The following MAPK7 variants were observed in gnomAD, a reference collection of about 807,000 sequenced individuals.
The protein encoded by MAPK7 is BMK-1.
A neutral mutation model predicts 56.9 loss-of-function variants in MAPK7; 30 were observed. That is an observed-to-expected ratio of 0.53 (90% CI 0.39 to 0.72). MAPK7 has a LOEUF of 0.72. Ranked by LOEUF, MAPK7 falls within the 30% of genes least tolerant of loss-of-function variation. The pLI, the probability that MAPK7 is intolerant of heterozygous loss-of-function variation, is 0.00. For synonymous variants in MAPK7, 516 were observed against 449.3 expected (o/e 1.15, Z -1.88); for missense variants, 952 against 1,110.8 (o/e 0.86, Z 2.03).
Position 19,383,147 on chromosome 17 carries a change from T to G in MAPK7, c.2367T>G (p.Pro789=). The change falls in exon 7 of 7, where the codon CCT becomes CCG. Residue 789 remains proline (P), a synonymous_variant. Transcript: ENST00000395604. The stretch of plus-strand genomic sequence containing the variant: ...GGCTCGAAGGCCATGGCATGAACCC[T>G]GCCGATATTGAGTCCCTGCAGCGTG... ...ADWLEGHGMN[P]ADIESLQREI... The G allele has an allele frequency of 6.2e-7, 1 of 1,614,146 alleles. No homozygotes were observed. Among genetic ancestry groups the G allele is most frequent in the East Asian group, 2.2e-5 (1 of 44,882 alleles).
In MAPK7 at chr17:19,379,949, T is replaced by C; in HGVS notation, c.398+2T>C. 1 of 1,612,464 alleles carries C rather than the reference T, an allele frequency of 6.2e-7. No individual in the cohort carries two copies. The highest frequency in any genetic ancestry group is 8.5e-7 in the Non-Finnish European group (1 of 1,178,812). On this transcript the variant is annotated splice_donor_variant, in intron 3 of 6. Coordinates refer to ENST00000395604, the MANE Select transcript of MAPK7 (RefSeq NM_002749.4). LOFTEE classifies it high-confidence loss of function. ...GCCCTATGGCGAATTCAAATCTGTG[T>C]AAGAAGCGGGATGGGAGAGGGAGCC...
chr17:19,380,851 T>C lies in MAPK7; in HGVS notation c.642T>C (p.His214=), dbSNP rs148616910. 80 of 1,613,870 alleles carry C rather than the reference T, an allele frequency of 5.0e-5. No homozygotes were observed. The highest frequency in any genetic ancestry group is 1.0e-4 in the Admixed American group (6 of 59,972). The change falls in exon 4 of 7, where the codon CAT becomes CAC. Residue 214 remains histidine, a synonymous_variant. Coordinates refer to ENST00000395604, the MANE Select transcript of MAPK7 (RefSeq NM_002749.4). The stretch of plus-strand genomic sequence containing the variant: ...GCCTGTGCACCTCGCCCGCTGAACA[T>C]CAGTACTTCATGACTGAGTATGTGG... The part of the protein sequence containing the change: ...ARGLCTSPAE[H]QYFMTEYVAT...
Position 19,378,694 on chromosome 17 carries a change from G to GCCTACCCCTCC in MAPK7, c.-6+67_-6+77dup, listed in dbSNP as rs1336680893. The GCCTACCCCTCC allele has an allele frequency of 7.2e-7, 1 of 1,387,776 alleles. No individual in the cohort carries two copies. The highest frequency in any genetic ancestry group is 9.3e-7 in the Non-Finnish European group (1 of 1,071,058). 86.0% of individuals were successfully genotyped at this position (1,387,776 alleles called of 1,614,324 possible). A position where few individuals can be genotyped will look rare whatever the true frequency, so the allele number is the denominator to read the frequency against. ...TCCCTTTCTTCCTGGCCCGCGCCTC[G>GCCTACCCCTCC]CCTACCCCTCCCCCGACCCTGGCGG... On this transcript the variant is annotated intron_variant, in intron 1 of 6. Coordinates refer to ENST00000395604, the MANE Select transcript of MAPK7 (RefSeq NM_002749.4). This position sits in a 1 kb window ranked among gnomAD's most constrained non-coding sequence, Gnocchi z 5.4.
In MAPK7 at chr17:19,378,930, C is replaced by G; in HGVS notation, c.30C>G (p.Gly10=). 6.3e-7 allele frequency: 1 copy of G among 1,584,628 alleles called. No homozygotes were observed. Among genetic ancestry groups the G allele is most frequent in the Non-Finnish European group, 8.6e-7 (1 of 1,164,878 alleles). Residue 10 remains glycine (G), a synonymous_variant, in exon 2 of 7, where the codon GGC becomes GGG. Transcript: ENST00000395604. This position sits in a 1 kb window ranked among gnomAD's most constrained non-coding sequence, Gnocchi z 5.4. Reference sequence around the variant, plus strand: ...CCGAGCCTCTGAAGGAGGAAGACGGCGAGGACGGCTCTGCGGAGCCCCCCG... The same window carrying G: ...CCGAGCCTCTGAAGGAGGAAGACGGGGAGGACGGCTCTGCGGAGCCCCCCG... MAEPLKEED[G]EDGSAEPPGP... is the part of the protein sequence containing the mutation.
In MAPK7 at chr17:19,379,959, G is replaced by C; in HGVS notation, c.398+12G>C. 6.2e-7 allele frequency: 1 copy of C among 1,609,686 alleles called. No individual in the cohort carries two copies. Among genetic ancestry groups the C allele is most frequent in the Non-Finnish European group, 8.5e-7 (1 of 1,176,718 alleles). On this transcript the variant is annotated intron_variant, in intron 3 of 6. Transcript: ENST00000395604. ...GAATTCAAATCTGTGTAAGAAGCGG[G>C]ATGGGAGAGGGAGCCAGACTTGGGA...
Position 19,381,099 on chromosome 17 carries a change from A to G in MAPK7, c.890A>G (p.Tyr297Cys). 2 of 1,614,002 alleles carry G rather than the reference A, an allele frequency of 1.2e-6. No homozygotes were observed. Among genetic ancestry groups the G allele is most frequent in the South Asian group, 2.2e-5 (2 of 91,080 alleles). The change falls in exon 4 of 7, where the codon TAT (tyrosine) becomes TGT (cysteine). Residue 297 changes from tyrosine to cysteine, a missense_variant. Tyr to Cys is a radical substitution (Grantham distance 194, BLOSUM62 -2). This residue lies in a region of MAPK7 where 429 missense variants were observed against 533.0 expected (regional missense o/e 0.80). Transcript: ENST00000395604. This position sits in a 1 kb window ranked among gnomAD's most constrained non-coding sequence, Gnocchi z 4.6. Reference sequence around the variant, plus strand: ...GTGGGGGCTGAGAGGGTGCGGGCCTATATCCAGAGCTTGCCACCACGCCAG... The same window carrying G: ...GTGGGGGCTGAGAGGGTGCGGGCCTGTATCCAGAGCTTGCCACCACGCCAG... Reference protein sequence around the residue: ...QAVGAERVRAYIQSLPPRQPV... With the variant: ...QAVGAERVRACIQSLPPRQPV...
intron 3 of MAPK7, chr17:19,380,316 T>C (rs1912542483): frequency 1.8e-6 from 1 of 565,862 alleles, no homozygotes; most frequent in Non-Finnish European, 2.8e-6. Context: ...TACCAAACAA[T>C]GGAGATAGCC....
rs1209430056 is a variant in MAPK7, at chr17:19,381,852, C to T, written c.1549C>T (p.Arg517Trp). The part of the protein sequence containing the change: ...PVTAQERQRE[R>W]EEKRRRRQER... ...GACAGCCCAGGAGCGCCAGCGGGAG[C>T]GGGAGGAGAAGCGGCGGAGGCGGCA... The change falls in exon 5 of 7, where the codon CGG becomes TGG. Residue 517 changes from arginine (R) to tryptophan (W), a missense_variant. This residue lies in a region of MAPK7 where 429 missense variants were observed against 533.0 expected (regional missense o/e 0.80). Transcript: ENST00000395604. The surrounding 1 kb of genome is among the most constrained non-coding windows in gnomAD (Gnocchi z 4.6). 1.3e-6 allele frequency: 2 copies of T among 1,587,838 alleles called. No individual in the cohort carries two copies. Among genetic ancestry groups the T allele is most frequent in the South Asian group, 1.1e-5 (1 of 87,468 alleles).
At chr17:19,380,315 A>G (rs1175790181) in intron 3 of MAPK7, 4 of 563,498 alleles carry the variant, frequency 7.1e-6, no homozygotes, top group Non-Finnish European at 1.1e-5. Flanking sequence ...CTACCAAACA[A>G]TGGAGATAGC....
At chr17:19,379,533 C>T in intron 2 of MAPK7, 1 of 570,322 alleles carries the variant, frequency 1.8e-6, no homozygotes, top group Non-Finnish European at 3.1e-6. Flanking sequence ...CAACCTCCAA[C>T]AAGTTACTAA....
rs147694046 is a variant in MAPK7, at chr17:19,378,990, C to T, written c.90C>T (p.Ala30=). ...AGGCCGAACCCGCCCACACCGCTGC[C>T]TCTGTAGCGGCCAAGAACCTGGCCC... ...PVKAEPAHTA[A]SVAAKNLALL... The change falls in exon 2 of 7, where the codon GCC becomes GCT. Residue 30 remains alanine, a synonymous_variant. Coordinates refer to ENST00000395604, the MANE Select transcript of MAPK7 (RefSeq NM_002749.4). This position sits in a 1 kb window ranked among gnomAD's most constrained non-coding sequence, Gnocchi z 5.4. 81 of 1,611,902 alleles carry T rather than the reference C, an allele frequency of 5.0e-5. No homozygotes were observed. Among genetic ancestry groups the T allele is most frequent in the Non-Finnish European group, 6.6e-5 (78 of 1,179,198 alleles).
At chr17:19,382,701 C>T in intron 5 of MAPK7, 112 bp from the exon 6 acceptor site, 2 of 1,473,706 alleles carry the variant, frequency 1.4e-6, no homozygotes, top group Non-Finnish European at 1.8e-6. Flanking sequence ...TCACTGACTG[C>T]CGAGACTGGT....
upstream of MAPK7, chr17:19,378,215 A>AG (rs1912264169): frequency 1.0e-6 from 1 of 985,662 alleles, no homozygotes; most frequent in African/African-American, 1.7e-5. The surrounding 1 kb of genome is among the most constrained non-coding windows in gnomAD (Gnocchi z 5.4). Context: ...CGCTACGTGC[A>AG]GGGGCGTTGC....
rs747827826 is a variant in MAPK7 at position 19,378,972 on chromosome 17, A to T, written c.72A>T (p.Glu24Asp). The T allele has an allele frequency of 6.2e-7, 1 of 1,606,826 alleles. No homozygotes were observed. The highest frequency in any genetic ancestry group is 8.5e-7 in the Non-Finnish European group (1 of 1,177,004). ...SAEPPGPVKA[E>D]PAHTAASVAA... Reference sequence around the variant, plus strand: ...AGCCCCCCGGGCCCGTGAAGGCCGAACCCGCCCACACCGCTGCCTCTGTAG... The same window carrying T: ...AGCCCCCCGGGCCCGTGAAGGCCGATCCCGCCCACACCGCTGCCTCTGTAG... The change falls in exon 2 of 7, where the codon GAA (glutamate) becomes GAT (aspartate). Residue 24 changes from glutamate to aspartate, a missense_variant. Physicochemically the swap from Glu to Asp is conservative, Grantham distance 45. Transcript: ENST00000395604. The surrounding 1 kb of genome is among the most constrained non-coding windows in gnomAD (Gnocchi z 5.4).
In MAPK7 at chr17:19,383,472, T is replaced by G; in HGVS notation, c.*241T>G. ...TTCAGTATTATATTTTTATTATTAT[T>G]ATGTTATTATTACACTGTCTTTTTG... On this transcript the variant is annotated 3_prime_UTR_variant, in exon 7 of 7. Transcript: ENST00000395604. 2.8e-6 allele frequency: 1 copy of G among 353,586 alleles called. No homozygotes were observed. Among genetic ancestry groups the G allele is most frequent in the South Asian group, 9.1e-5 (1 of 10,968 alleles). The allele number at this position is 353,586 out of a possible 1,614,324, so 21.9% of individuals were successfully genotyped here.
rs544719004 is a variant in MAPK7, at chr17:19,379,536, G to A, written c.233-246G>A. The A allele has an allele frequency of 6.3e-5, 36 of 571,630 alleles. No homozygotes were observed. In the African/African-American group the frequency reaches 6.5e-4, roughly 10 times the overall value. The allele number at this position is 571,630 out of a possible 1,614,324, so 35.4% of individuals were successfully genotyped here. A position where few individuals can be genotyped will look rare whatever the true frequency, so the allele number is the denominator to read the frequency against. ...TGGGCATCCGTGCAACCTCCAACAA[G>A]TTACTAAGCCATATTTCCTTCTCTT... On this transcript the variant is annotated intron_variant, in intron 2 of 6. Coordinates refer to ENST00000395604, the MANE Select transcript of MAPK7 (RefSeq NM_002749.4).
chr17:19,378,373 C>T (rs2152288716), upstream of MAPK7: 2 of 988,318 alleles, frequency 2.0e-6, no homozygotes, highest in Non-Finnish European at 2.4e-6. This position sits in a 1 kb window ranked among gnomAD's most constrained non-coding sequence, Gnocchi z 5.4. Context: ...GTGGCTTTCT[C>T]GGCCGGTGGG....
At chr17:19,380,517 G>A (rs772709176) in intron 3 of MAPK7, 91 bp from the exon 4 acceptor site, 11 of 1,503,036 alleles carry the variant, frequency 7.3e-6, no homozygotes, top group Admixed American at 2.2e-5. Context: ...GCTGTTACCT[G>A]TCTGGAATCG....
chr17:19,380,704 A>T lies in MAPK7; in HGVS notation c.495A>T (p.Gln165His). 6.2e-7 allele frequency: 1 copy of T among 1,614,088 alleles called. No individual in the cohort carries two copies. The highest frequency in any genetic ancestry group is 8.5e-7 in the Non-Finnish European group (1 of 1,179,998). The change falls in exon 4 of 7, where the codon CAA (glutamine) becomes CAT (histidine). Residue 165 changes from glutamine to histidine, a missense_variant. Transcript: ENST00000395604. ...TLEHVRYFLYQLLRGLKYMHS... is the reference protein window; with the variant it reads ...TLEHVRYFLYHLLRGLKYMHS... Reference sequence around the variant, plus strand: ...AACACGTGCGCTACTTCCTGTACCAACTGCTGCGGGGCCTGAAGTACATGC... The same window carrying T: ...AACACGTGCGCTACTTCCTGTACCATCTGCTGCGGGGCCTGAAGTACATGC...
Sources: gnomAD v4.1 joint callset for allele counts on GRCh38, gnomAD v4.1.1 for gene constraint, gnomAD v4.1.1 regional missense constraint, Gnocchi (gnomAD v3.1) non-coding constraint, MANE v1.5 for transcripts, NCBI Gene and HGNC (gene_info 2026-07-23, HGNC 2026-07-21) for gene names.